SPMIP7: variants seen among roughly 807,000 people sequenced by gnomAD.
SPMIP7 encodes the protein protein SPMIP7.
At chr7:50,152,251 G>A in the SPMIP7 span, among the ~76,000 whole-genome samples, 2 of 152,186 alleles carry the variant, frequency 1.3e-5, no homozygotes, top group Non-Finnish European at 2.9e-5. Flanking sequence ...GGAGGCTGAG[G>A]CAGGAGAATC....
the SPMIP7 span, chr7:50,141,369 CTT>C: frequency 6.5e-7 from 1 of 1,550,134 alleles, no homozygotes; most frequent in Non-Finnish European, 8.7e-7. Flanking sequence ...CTCTAAGCCT[CTT>C]TATACAAACA....
the SPMIP7 span, among the ~76,000 whole-genome samples, chr7:50,148,102 C>T: frequency 1.3e-5 from 2 of 152,136 alleles, no homozygotes; most frequent in Admixed American, 6.5e-5. Context: ...AATATAAGGT[C>T]GCTGTGTTGC....
chr7:50,121,645 G>A, the SPMIP7 span, among the ~76,000 whole-genome samples: 2 of 151,558 alleles, frequency 1.3e-5, no homozygotes, highest in African/African-American at 2.4e-5. Flanking sequence ...TTAATTAAAG[G>A]TTCTTTTTTT....
At chr7:50,137,373 G>GT in the SPMIP7 span, among the ~76,000 whole-genome samples, 369 of 152,168 alleles carry the variant, frequency 2.4e-3, 8 homozygotes, top group East Asian at 0.046. Context: ...CTAGGAGTTT[G>GT]TTTTCACTGT....
the SPMIP7 span, among the ~76,000 whole-genome samples, chr7:50,154,507 T>C: frequency 3.2e-4 from 49 of 152,374 alleles, no homozygotes; most frequent in South Asian, 9.9e-3. Flanking sequence ...AACATGTTTC[T>C]TTCTGTGTCT....
the SPMIP7 span, among the ~76,000 whole-genome samples, chr7:50,107,870 G>T: frequency 2.0e-5 from 3 of 152,198 alleles, no homozygotes; most frequent in African/African-American, 7.2e-5. Flanking sequence ...GGCAGAAAAA[G>T]TCTCAAGTTA....
the SPMIP7 span, among the ~76,000 whole-genome samples, chr7:50,099,845 T>G: frequency 6.6e-6 from 1 of 152,174 alleles, no homozygotes; most frequent in African/African-American, 2.4e-5. Flanking sequence ...TCTAGATCTG[T>G]GGCATCTACA....
At chr7:50,125,504 A>G in the SPMIP7 span, among the ~76,000 whole-genome samples, 1 of 151,028 alleles carries the variant, frequency 6.6e-6, no homozygotes, top group Non-Finnish European at 1.5e-5. Flanking sequence ...GAGGATAGAT[A>G]CACAAGAGAA....
At chr7:50,141,747 T>TTTTTTTTTTTA in the SPMIP7 span, 3 of 157,666 alleles carry the variant, frequency 1.9e-5, no homozygotes, top group East Asian at 1.9e-4. Flanking sequence ...TTTTTTTTTT[T>TTTTTTTTTTTA]GAGACGGAGT....
the SPMIP7 span, among the ~76,000 whole-genome samples, chr7:50,139,350 A>G: frequency 1.6e-5 from 2 of 122,660 alleles, no homozygotes; most frequent in East Asian, 2.0e-4. Context: ...GCACCATCTC[A>G]AAAAAAAAAA....
At chr7:50,099,550 C>A in the SPMIP7 span, among the ~76,000 whole-genome samples, 1 of 152,166 alleles carries the variant, frequency 6.6e-6, no homozygotes, top group African/African-American at 2.4e-5. Context: ...AAGAAGAAGA[C>A]CTTCACCCTT....
At chr7:50,150,480 C>A in the SPMIP7 span, among the ~76,000 whole-genome samples, 28 of 152,292 alleles carry the variant, frequency 1.8e-4, no homozygotes, top group Non-Finnish European at 3.2e-4. Flanking sequence ...TACGACTCTG[C>A]AAAGATGGTA....
chr7:50,123,039 C>T, the SPMIP7 span, among the ~76,000 whole-genome samples: 2 of 141,304 alleles, frequency 1.4e-5, no homozygotes, highest in East Asian at 2.2e-4. Context: ...ACCAGAAATA[C>T]CATTTGACCC....
At chr7:50,112,871 G>T in the SPMIP7 span, among the ~76,000 whole-genome samples, 1 of 151,830 alleles carries the variant, frequency 6.6e-6, no homozygotes, top group Admixed American at 6.6e-5. Flanking sequence ...AGAAGAGGGA[G>T]TTATCCGGAT....
At chr7:50,134,533 CTG>C in the SPMIP7 span, among the ~76,000 whole-genome samples, 5 of 152,128 alleles carry the variant, frequency 3.3e-5, no homozygotes, top group African/African-American at 1.2e-4. Flanking sequence ...TTTGCAATGA[CTG>C]TGTTTATTTT....
chr7:50,097,925 A>G, the SPMIP7 span, among the ~76,000 whole-genome samples: 1 of 152,312 alleles, frequency 6.6e-6, no homozygotes, highest in South Asian at 2.1e-4. Flanking sequence ...CATTTCATTA[A>G]TAGTAGCTCT....
At chr7:50,096,012 G>C in the SPMIP7 span, 36 of 949,512 alleles carry the variant, frequency 3.8e-5, no homozygotes, top group Non-Finnish European at 5.1e-5. Context: ...ATTGGCAATA[G>C]AGTTTATATA....
chr7:50,096,264 G>A, the SPMIP7 span: 1 of 1,551,678 alleles, frequency 6.4e-7, no homozygotes, highest in Non-Finnish European at 8.7e-7. Flanking sequence ...GAAAAGAAAT[G>A]CAACCCTGCT....
At chr7:50,113,877 G>A in the SPMIP7 span, among the ~76,000 whole-genome samples, 2 of 151,858 alleles carry the variant, frequency 1.3e-5, no homozygotes, top group African/African-American at 2.4e-5. Flanking sequence ...ACACATCAAT[G>A]ACATTGCTGA....
Sources: allele counts gnomAD v4.1 joint callset (sites outside exome capture counted in the v4.1 genomes callset), GRCh38; gene constraint gnomAD v4.1.1; transcripts MANE v1.5; gene names NCBI Gene and HGNC (gene_info 2026-07-23, HGNC 2026-07-21).